Variants in NECTIN3 observed in about 807,000 individuals in gnomAD.
The protein encoded by NECTIN3 is nectin cell adhesion molecule 3, also known as nectin-3.
In NECTIN3, 8 loss-of-function variants were observed where a neutral mutation model predicts 49.4. The observed-to-expected ratio is 0.16, with a 90% CI of 0.10 to 0.29. The LOEUF is 0.29. NECTIN3 is among the 10% of genes least tolerant of loss of function. NECTIN3 has a pLI of 1.00. For synonymous variants in NECTIN3, 277 were observed against 241.1 expected (o/e 1.15, Z -1.38); for missense variants, 581 against 654.6 (o/e 0.89, Z 1.23).
chr3:111,082,399 G>GA (rs1243966088), intron 1 of NECTIN3, among the ~76,000 whole-genome samples: 1 of 151,808 alleles, frequency 6.6e-6, no homozygotes, highest in Non-Finnish European at 1.5e-5. Context: ...AGAGTGAGAA[G>GA]AAAAAAGTGG....
chr3:111,073,532 C>G (rs113979119), intron 1 of NECTIN3: 2 of 152,236 alleles, frequency 1.3e-5, no homozygotes, highest in African/African-American at 4.8e-5. Flanking sequence ...TTCTGTATGC[C>G]GACTCCGCAG....
intron 7 of NECTIN3, among the ~76,000 whole-genome samples, chr3:111,169,263 G>A (rs2035387607): frequency 6.7e-6 from 1 of 149,596 alleles, no homozygotes; most frequent in African/African-American, 2.5e-5. Context: ...CTAATTTTTT[G>A]TAATTTTTAT....
At position 111,137,144 on chromosome 3, in the gene NECTIN3, AC is replaced by A; in HGVS notation, c.*2930del. 1.0e-6 allele frequency: 1 copy of A among 967,308 alleles called. No homozygotes were observed. Among genetic ancestry groups the A allele is most frequent in the Non-Finnish European group, 1.2e-6 (1 of 813,656 alleles). 59.9% of individuals were successfully genotyped at this position (967,308 alleles called of 1,614,324 possible). ...AAATGTAGTCATTTTATATGTGAAA[AC>A]ATCTGATTTGAGTTTTTGATAAATA... On this transcript the variant is annotated 3_prime_UTR_variant, in exon 6 of 6. Transcript: ENST00000485303.
intron 1 of NECTIN3, chr3:111,072,543 C>CT (rs771311098): frequency 2.4e-5 from 37 of 1,535,646 alleles, no homozygotes; most frequent in African/African-American, 2.1e-4. Context: ...ACGTTTGCCG[C>CT]TTTTTTTCCC....
At chr3:111,129,209 G>A (rs541778692) in intron 5 of NECTIN3, among the ~76,000 whole-genome samples, 2 of 151,848 alleles carry the variant, frequency 1.3e-5, no homozygotes, top group African/African-American at 4.8e-5. Context: ...CTTTTTCAAT[G>A]AGGTCTTCCT....
At chr3:111,097,445 G>T (rs1447221714) in intron 1 of NECTIN3, among the ~76,000 whole-genome samples, 1 of 152,140 alleles carries the variant, frequency 6.6e-6, no homozygotes, top group Non-Finnish European at 1.5e-5. Flanking sequence ...GGACTCTTGG[G>T]AAGGCATGAT....
chr3:111,125,283 C>T (rs1403261258), intron 4 of NECTIN3, among the ~76,000 whole-genome samples: 2 of 151,990 alleles, frequency 1.3e-5, no homozygotes, highest in Non-Finnish European at 2.9e-5. Context: ...CCCGCCTCGG[C>T]CTCCCAAAGT....
chr3:111,111,238 G>GT (rs2033446981), intron 1 of NECTIN3, among the ~76,000 whole-genome samples: 1 of 152,036 alleles, frequency 6.6e-6, no homozygotes, highest in African/African-American at 2.4e-5. Flanking sequence ...TCAAAACATT[G>GT]TAAGTTTTGC....
intron 7 of NECTIN3, among the ~76,000 whole-genome samples, chr3:111,159,191 C>T (rs183772741): frequency 4.6e-5 from 7 of 152,138 alleles, no homozygotes; most frequent in Admixed American, 2.0e-4. Flanking sequence ...TATTTTTGCT[C>T]TAGTAGATTT....
intron 1 of NECTIN3, among the ~76,000 whole-genome samples, chr3:111,193,867 T>G (rs2035858183): frequency 6.6e-6 from 1 of 152,198 alleles, no homozygotes; most frequent in Non-Finnish European, 1.5e-5. Flanking sequence ...TTACAATACC[T>G]GTGTACAAAC....
At chr3:111,151,060 A>G (rs925426462) in intron 7 of NECTIN3, among the ~76,000 whole-genome samples, 2 of 151,892 alleles carry the variant, frequency 1.3e-5, no homozygotes, top group Non-Finnish European at 2.9e-5. Context: ...GGCAGGGGTC[A>G]TGTCACTATT....
intron 1 of NECTIN3, among the ~76,000 whole-genome samples, chr3:111,080,545 A>G (rs2031528043): frequency 6.6e-6 from 1 of 151,956 alleles, no homozygotes; most frequent in African/African-American, 2.4e-5. Context: ...GTCACTCTAG[A>G]TTTTTCTCCA....
chr3:111,078,184 A>G (rs2031354360), intron 1 of NECTIN3, among the ~76,000 whole-genome samples: 1 of 152,112 alleles, frequency 6.6e-6, no homozygotes, highest in African/African-American at 2.4e-5. Flanking sequence ...TGAACCTTTA[A>G]TTGTCTCTAA....
chr3:111,076,157 A>G (rs1372121921), intron 1 of NECTIN3, among the ~76,000 whole-genome samples: 3 of 152,128 alleles, frequency 2.0e-5, no homozygotes, highest in Non-Finnish European at 4.4e-5. Context: ...ACAATTTAGT[A>G]ATTTGGCAAT....
At chr3:111,088,483 A>G (rs1296057343) in intron 1 of NECTIN3, among the ~76,000 whole-genome samples, 1 of 152,170 alleles carries the variant, frequency 6.6e-6, no homozygotes, top group Non-Finnish European at 1.5e-5. Flanking sequence ...CATTTTTTCT[A>G]AGAATTTTTA....
At chr3:111,096,653 C>G (rs2032601136) in intron 1 of NECTIN3, among the ~76,000 whole-genome samples, 1 of 152,170 alleles carries the variant, frequency 6.6e-6, no homozygotes, top group Non-Finnish European at 1.5e-5. Flanking sequence ...ACTTAGTATA[C>G]TGCGTCCCAG....
chr3:111,165,159 T>G (rs935609679), intron 7 of NECTIN3, among the ~76,000 whole-genome samples: 2 of 152,080 alleles, frequency 1.3e-5, no homozygotes, highest in Non-Finnish European at 2.9e-5. Flanking sequence ...TTCTCCTGCC[T>G]CAGCCTCCCG....
At chr3:111,153,292 A>G (rs2035035644) in intron 7 of NECTIN3, among the ~76,000 whole-genome samples, 1 of 151,998 alleles carries the variant, frequency 6.6e-6, no homozygotes, top group Non-Finnish European at 1.5e-5. Flanking sequence ...CAAAGCTTGG[A>G]TAAAATAATG....
chr3:111,087,052 T>A (rs779431765), intron 1 of NECTIN3, among the ~76,000 whole-genome samples: 1 of 152,138 alleles, frequency 6.6e-6, no homozygotes, highest in Non-Finnish European at 1.5e-5. Context: ...GTTTGTGGCA[T>A]GTAAAATGCA....
Sources: gnomAD v4.1 joint callset for allele counts (sites outside exome capture counted in the v4.1 genomes callset) on GRCh38, gnomAD v4.1.1 for gene constraint, MANE v1.5 for transcripts, NCBI Gene and HGNC (gene_info 2026-07-23, HGNC 2026-07-21) for gene names.